The following BRD10 variants were observed in gnomAD, a reference collection of about 807,000 sequenced individuals.
BRD10 encodes bromodomain containing 10.
the BRD10 span, chr9:5,923,293 T>C: frequency 1.9e-6 from 3 of 1,606,358 alleles, no homozygotes; most frequent in Non-Finnish European, 2.6e-6. Flanking sequence ...AATCTATTTC[T>C]GACAACTTCA....
At chr9:5,920,750 G>A in the BRD10 span, 1 of 1,613,920 alleles carries the variant, frequency 6.2e-7, no homozygotes. Context: ...CGCAGGTGTA[G>A]GTAAGGCAAC....
the BRD10 span, among the ~76,000 whole-genome samples, chr9:5,912,735 C>T: frequency 1.3e-5 from 2 of 152,156 alleles, no homozygotes; most frequent in Non-Finnish European, 2.9e-5. Flanking sequence ...GAGTCCTCTA[C>T]TGCAGCGTGC....
At chr9:5,893,143 T>A in the BRD10 span, among the ~76,000 whole-genome samples, 1 of 152,232 alleles carries the variant, frequency 6.6e-6, no homozygotes, top group Non-Finnish European at 1.5e-5. Context: ...AGACACTGTT[T>A]TTATCTTTGA....
chr9:5,921,615 T>A, the BRD10 span: 1 of 1,613,998 alleles, frequency 6.2e-7, no homozygotes, highest in Non-Finnish European at 8.5e-7. Flanking sequence ...ACATCTCCAT[T>A]TGTTGCTGCT....
chr9:5,930,316 G>C, the BRD10 span, among the ~76,000 whole-genome samples: 27 of 149,172 alleles, frequency 1.8e-4, 1 homozygote, highest in East Asian at 3.3e-3. Flanking sequence ...CCACTATCTA[G>C]AGCAAAAACT....
chr9:5,989,891 C>G, the BRD10 span, among the ~76,000 whole-genome samples: 1 of 149,604 alleles, frequency 6.7e-6, no homozygotes, highest in Non-Finnish European at 1.5e-5. Flanking sequence ...GGACTATGTC[C>G]AGAGTGATTT....
At chr9:5,992,147 A>G in the BRD10 span, among the ~76,000 whole-genome samples, 1 of 152,286 alleles carries the variant, frequency 6.6e-6, no homozygotes. Context: ...GTCACTTATC[A>G]CTACACTGCA....
the BRD10 span, among the ~76,000 whole-genome samples, chr9:5,912,646 T>A: frequency 6.6e-6 from 1 of 152,128 alleles, no homozygotes; most frequent in Non-Finnish European, 1.5e-5. Flanking sequence ...CCTTTGTAGA[T>A]AGATAGGATG....
At chr9:5,951,945 C>CT in the BRD10 span, among the ~76,000 whole-genome samples, 12 of 152,104 alleles carry the variant, frequency 7.9e-5, no homozygotes, top group Admixed American at 6.6e-4. Flanking sequence ...CTCTCTCTCT[C>CT]TTCTTCCCTC....
At chr9:5,928,918 G>C in the BRD10 span, 1 of 549,536 alleles carries the variant, frequency 1.8e-6, no homozygotes, top group Non-Finnish European at 3.3e-6. Flanking sequence ...GCACACAGTG[G>C]GCAGTCAAAA....
At chr9:5,910,655 C>T in the BRD10 span, 1 of 152,230 alleles carries the variant, frequency 6.6e-6, no homozygotes, top group Admixed American at 6.5e-5. Flanking sequence ...GCTCTCCTCA[C>T]AGAGTTCCTC....
the BRD10 span, among the ~76,000 whole-genome samples, chr9:6,002,063 A>T: frequency 6.6e-6 from 1 of 152,240 alleles, no homozygotes; most frequent in East Asian, 1.9e-4. Context: ...TTGTGAAAAT[A>T]GTACCATGAC....
chr9:5,932,490 G>C, the BRD10 span, among the ~76,000 whole-genome samples: 1 of 152,010 alleles, frequency 6.6e-6, no homozygotes. Context: ...TTATTCCCTA[G>C]ACAATATAGT....
At chr9:5,925,959 C>T in the BRD10 span, among the ~76,000 whole-genome samples, 1 of 152,112 alleles carries the variant, frequency 6.6e-6, no homozygotes, top group Non-Finnish European at 1.5e-5. Flanking sequence ...GCTCTGTCAC[C>T]CAGATTGGAG....
At chr9:5,908,694 C>T in the BRD10 span, 1 of 1,614,024 alleles carries the variant, frequency 6.2e-7, no homozygotes, top group Non-Finnish European at 8.5e-7. Context: ...GTCACCACCA[C>T]CTTATTCACC....
the BRD10 span, among the ~76,000 whole-genome samples, chr9:5,937,608 ACTC>A: frequency 6.6e-6 from 1 of 152,076 alleles, no homozygotes; most frequent in Admixed American, 6.6e-5. Context: ...ACTTAGGTCA[ACTC>A]CTCTGAAACT....
chr9:5,886,627 C>G, the BRD10 span, among the ~76,000 whole-genome samples: 2 of 152,094 alleles, frequency 1.3e-5, no homozygotes, highest in African/African-American at 4.8e-5. Context: ...GACTAGATTG[C>G]CAGGGGAGAA....
the BRD10 span, among the ~76,000 whole-genome samples, chr9:5,882,969 T>C: frequency 6.6e-6 from 1 of 151,786 alleles, no homozygotes; most frequent in Non-Finnish European, 1.5e-5. Context: ...TGAGAACACT[T>C]GGACACAGGA....
chr9:5,998,455 G>A, the BRD10 span, among the ~76,000 whole-genome samples: 1 of 151,880 alleles, frequency 6.6e-6, no homozygotes, highest in Non-Finnish European at 1.5e-5. Flanking sequence ...ACCACCACAG[G>A]TATCTAAATG....
Sources: gnomAD v4.1 joint callset for allele counts (sites outside exome capture counted in the v4.1 genomes callset) on GRCh38, gnomAD v4.1.1 for gene constraint, MANE v1.5 for transcripts, NCBI Gene and HGNC (gene_info 2026-07-23, HGNC 2026-07-21) for gene names.